The following ATP8B4 variants were observed in gnomAD, a reference collection of about 807,000 sequenced individuals.
ATP8B4 encodes the protein ATPase phospholipid transporting 8B4 (putative).
Under a neutral mutation model 145.6 loss-of-function variants are expected in ATP8B4, and 133 were observed. The ratio of observed to expected loss-of-function variants is 0.91; its 90% CI spans 0.79 to 1.05. The LOEUF (loss-of-function observed/expected upper bound fraction) is 1.05. Ranked by LOEUF, ATP8B4 falls within the 50% of genes least tolerant of loss-of-function variation. The pLI, the probability that ATP8B4 is intolerant of heterozygous loss-of-function variation, is 0.00. For synonymous variants in ATP8B4, 507 were observed against 492.9 expected, an observed-to-expected ratio of 1.03 and a Z score of -0.38; for missense variants, 1,458 against 1,425.2, an observed-to-expected ratio of 1.02 and a Z score of -0.37.
rs768287005 is a variant in ATP8B4 at position 49,876,238 on chromosome 15, T to C, written c.3027+40A>G. The C allele has an allele frequency of 3.8e-6, 6 of 1,598,656 alleles. No homozygotes were observed. In the South Asian group the frequency reaches 6.7e-5, roughly 18 times the overall value. On this transcript the variant is annotated intron_variant, in intron 25 of 27. Transcript: ENST00000284509. ...ATCAACAATGAAATAGTAAAAGTTG[T>C]AAACCCATCAAGTTAAGGTGCTTAC...
At chr15:50,130,406 C>T (rs1306415658) in intron 1 of ATP8B4, among the ~76,000 whole-genome samples, 2 of 152,160 alleles carry the variant, frequency 1.3e-5, no homozygotes, top group African/African-American at 2.4e-5. Context: ...GATAAGATTA[C>T]CCAGGCTCTG....
chr15:49,891,080 T>C (rs900039868), intron 23 of ATP8B4, among the ~76,000 whole-genome samples: 19 of 152,140 alleles, frequency 1.2e-4, no homozygotes, highest in Non-Finnish European at 2.5e-4. Flanking sequence ...GGAAAGTGTA[T>C]GAGGGGAGGG....
At chr15:50,020,798 G>A in intron 6 of ATP8B4, among the ~76,000 whole-genome samples, 1 of 151,980 alleles carries the variant, frequency 6.6e-6, no homozygotes, top group East Asian at 1.9e-4. Flanking sequence ...CTCAGTCTGT[G>A]GTTATTAGGT....
chr15:50,124,025 CTAA>C (rs1481103118), upstream of ATP8B4, among the ~76,000 whole-genome samples: 1 of 152,168 alleles, frequency 6.6e-6, no homozygotes, highest in East Asian at 1.9e-4. Flanking sequence ...GTACAGTACA[CTAA>C]TAATGTTCCT....
At chr15:50,167,098 T>C (rs2044607071) in intron 1 of ATP8B4, among the ~76,000 whole-genome samples, 1 of 152,216 alleles carries the variant, frequency 6.6e-6, no homozygotes, top group South Asian at 2.1e-4. Flanking sequence ...TTTAGGTCCT[T>C]GTACTTTTTT....
At chr15:50,161,708 T>C (rs1027455070) in intron 1 of ATP8B4, among the ~76,000 whole-genome samples, 8 of 151,998 alleles carry the variant, frequency 5.3e-5, no homozygotes, top group Non-Finnish European at 8.8e-5. Flanking sequence ...TTATATCTTA[T>C]TGTGCTATGT....
intron 7 of ATP8B4, among the ~76,000 whole-genome samples, 186 bp from the exon 8 acceptor site, chr15:50,002,409 C>A (rs889036406): frequency 3.3e-5 from 5 of 152,106 alleles, no homozygotes; most frequent in Non-Finnish European, 5.9e-5. Context: ...CCCTGTTCCT[C>A]CTTTATATGC....
chr15:49,929,435 G>C (rs183269201), intron 16 of ATP8B4, among the ~76,000 whole-genome samples: 10 of 152,228 alleles, frequency 6.6e-5, no homozygotes, highest in Non-Finnish European at 5.9e-5. Flanking sequence ...AAGAACTATA[G>C]TTGTGAGAAA....
chr15:50,098,169 A>C (rs1276011411), intron 2 of ATP8B4, among the ~76,000 whole-genome samples: 2 of 151,836 alleles, frequency 1.3e-5, no homozygotes, highest in Non-Finnish European at 2.9e-5. Flanking sequence ...CAGCCATCTA[A>C]ATTGAAATAG....
chr15:50,002,742 TG>T (rs2047995862), intron 7 of ATP8B4, among the ~76,000 whole-genome samples: 1 of 151,510 alleles, frequency 6.6e-6, no homozygotes, highest in African/African-American at 2.4e-5. Flanking sequence ...AAGTAAAAGA[TG>T]GTAGGGAGTA....
intron 6 of ATP8B4, among the ~76,000 whole-genome samples, chr15:50,016,188 G>A (rs2049075820): frequency 6.6e-6 from 1 of 152,194 alleles, no homozygotes; most frequent in African/African-American, 2.4e-5. Flanking sequence ...TACAGGAAAT[G>A]TATTCTCTTT....
chr15:50,121,499 A>G (rs1445191619), upstream of ATP8B4, among the ~76,000 whole-genome samples: 3 of 152,176 alleles, frequency 2.0e-5, no homozygotes, highest in Non-Finnish European at 4.4e-5. Flanking sequence ...ATGTCATGTT[A>G]TGTATACCTA....
intron 4 of ATP8B4, among the ~76,000 whole-genome samples, chr15:50,046,529 G>A (rs918615235): frequency 6.6e-6 from 1 of 152,198 alleles, no homozygotes; most frequent in Non-Finnish European, 1.5e-5. Flanking sequence ...AACTAATTAA[G>A]ATTTCTGTCA....
chr15:50,013,546 C>T lies in ATP8B4; in HGVS notation c.363-2629G>A, dbSNP rs577359580. 7.2e-5 allele frequency among the ~76,000 whole-genome samples: 11 copies of T among 152,084 alleles called. No homozygotes were observed. The South Asian group carries it at 2.1e-3, about 29-fold the overall frequency. On this transcript the variant is annotated intron_variant, in intron 6 of 27. Transcript: ENST00000284509. ...AAACTCTGACATAATCTAGTTAATG[C>T]TTCTTAGAATCCGTTTTTTTAAATA... is the stretch of plus-strand genomic sequence containing the variant.
At chr15:50,088,031 A>C (rs2055333458) in intron 2 of ATP8B4, among the ~76,000 whole-genome samples, 1 of 152,070 alleles carries the variant, frequency 6.6e-6, no homozygotes, top group Admixed American at 6.6e-5. Context: ...TCTCACTCTA[A>C]ATTAATATTT....
upstream of ATP8B4, among the ~76,000 whole-genome samples, chr15:50,122,951 T>C (rs2057282685): frequency 6.6e-6 from 1 of 152,172 alleles, no homozygotes; most frequent in Non-Finnish European, 1.5e-5. Context: ...AAATGAGATA[T>C]TCATTAAATA....
chr15:49,951,180 T>C (rs1368291713), intron 14 of ATP8B4, among the ~76,000 whole-genome samples: 9 of 152,216 alleles, frequency 5.9e-5, no homozygotes, highest in Non-Finnish European at 1.3e-4. Flanking sequence ...TCTGTTGATC[T>C]GGGGTAGACA....
intron 10 of ATP8B4, among the ~76,000 whole-genome samples, chr15:49,982,919 T>G (rs1444705932): frequency 6.6e-6 from 1 of 152,144 alleles, no homozygotes; most frequent in Non-Finnish European, 1.5e-5. Context: ...GACTATTCCA[T>G]CCTTTTGAAA....
intron 1 of ATP8B4, among the ~76,000 whole-genome samples, chr15:50,157,493 G>C (rs977352612): frequency 5.3e-5 from 8 of 152,132 alleles, no homozygotes; most frequent in African/African-American, 1.4e-4. Flanking sequence ...GGTACAAATA[G>C]TTTTTGGTTA....
Sources: gnomAD v4.1 joint callset for allele counts (sites outside exome capture counted in the v4.1 genomes callset) on GRCh38, gnomAD v4.1.1 for gene constraint, MANE v1.5 for transcripts, NCBI Gene and HGNC (gene_info 2026-07-23, HGNC 2026-07-21) for gene names.